The following SERINC5 variants were observed in gnomAD, a reference collection of about 807,000 sequenced individuals.
The protein encoded by SERINC5 is chromosome 5 open reading frame 12.
Under a neutral mutation model 63.1 loss-of-function variants are expected in SERINC5, and 41 were observed. The ratio of observed to expected loss-of-function variants is 0.65; its 90% CI spans 0.51 to 0.84. SERINC5 has a LOEUF of 0.84. Among genes scored for constraint, SERINC5 ranks in the 40% least tolerant of loss-of-function variants. The probability of loss-of-function intolerance (pLI) is 0.00; values close to 1 mark genes in which losing one functional copy is unlikely to be tolerated. For synonymous variants in SERINC5, 222 were observed against 215.2 expected (o/e 1.03, Z -0.28); for missense variants, 523 against 573.0 (o/e 0.91, Z 0.89).
intron 1 of SERINC5, among the ~76,000 whole-genome samples, chr5:80,238,214 C>G (rs1751792621): frequency 6.6e-6 from 1 of 151,730 alleles, no homozygotes. Context: ...TCATGCTTTT[C>G]AAAGCCTCCA....
intron 11 of SERINC5, among the ~76,000 whole-genome samples, chr5:80,124,884 T>C (rs1363055984): frequency 1.3e-5 from 2 of 152,132 alleles, no homozygotes; most frequent in Non-Finnish European, 2.9e-5. Flanking sequence ...CAGGTAGTCT[T>C]GTTTATGAAC....
chr5:80,127,773 T>C (rs1744800649), intron 11 of SERINC5, among the ~76,000 whole-genome samples: 1 of 152,138 alleles, frequency 6.6e-6, no homozygotes, highest in Admixed American at 6.5e-5. Context: ...GTAAATTTGA[T>C]AAGGTACTCC....
chr5:80,183,821 G>C (rs968331086), intron 2 of SERINC5, among the ~76,000 whole-genome samples: 1 of 151,992 alleles, frequency 6.6e-6, no homozygotes, highest in Non-Finnish European at 1.5e-5. Flanking sequence ...GACTCAGCCC[G>C]CCTGCACCCA....
chr5:80,185,839 C>T (rs1248046156), intron 2 of SERINC5, among the ~76,000 whole-genome samples: 13 of 151,956 alleles, frequency 8.6e-5, no homozygotes, highest in Admixed American at 8.5e-4. Context: ...TCAGTTAAGG[C>T]GGGGCAGGGC....
chr5:80,228,323 G>A (rs1377512384), intron 1 of SERINC5, among the ~76,000 whole-genome samples: 2 of 149,704 alleles, frequency 1.3e-5, no homozygotes, highest in Non-Finnish European at 3.0e-5. Flanking sequence ...GAGGAGGAAG[G>A]AAGGAAGGAA....
intron 1 of SERINC5, among the ~76,000 whole-genome samples, chr5:80,224,143 A>AAG (rs1276402348): frequency 5.4e-5 from 8 of 149,292 alleles, no homozygotes; most frequent in African/African-American, 1.3e-4. Context: ...CAAAAAAAAA[A>AAG]AAAAAAGAAA....
At chr5:80,152,006 A>G (rs1257627813) in intron 8 of SERINC5, among the ~76,000 whole-genome samples, 1 of 152,224 alleles carries the variant, frequency 6.6e-6, no homozygotes, top group Non-Finnish European at 1.5e-5. Flanking sequence ...TCTCATACAG[A>G]AGCCCACTGA....
intron 1 of SERINC5, among the ~76,000 whole-genome samples, chr5:80,208,580 C>T (rs181573334): frequency 6.6e-6 from 1 of 152,208 alleles, no homozygotes; most frequent in South Asian, 2.1e-4. Context: ...CAATTTCCCA[C>T]GCAAGCACTG....
chr5:80,169,459 C>A lies in SERINC5; in HGVS notation c.639G>T (p.Leu213Phe). 6.2e-7 allele frequency: 1 copy of A among 1,613,952 alleles called. No individual in the cohort carries two copies. Among genetic ancestry groups the A allele is most frequent in the Non-Finnish European group, 8.5e-7 (1 of 1,179,858 alleles). Residue 213 changes from leucine to phenylalanine, a missense_variant, in exon 6 of 12, where the codon TTG (leucine) becomes TTT (phenylalanine). Physicochemically the swap from Leu to Phe is conservative, Grantham distance 22. Coordinates refer to ENST00000507668, the MANE Select transcript of SERINC5 (RefSeq NM_001174072.3). ...LIMYSIATGG[L>F]VLMAVFYTQK... Reference sequence around the variant, plus strand: ...GTGTATAAAACACTGCCATCAAAACCAAGCCTCCAGTGGCAATGGAATACA... The same window carrying A: ...GTGTATAAAACACTGCCATCAAAACAAAGCCTCCAGTGGCAATGGAATACA...
intron 2 of SERINC5, among the ~76,000 whole-genome samples, chr5:80,189,421 A>G (rs542903340): frequency 1.3e-5 from 2 of 152,326 alleles, no homozygotes; most frequent in Non-Finnish European, 1.5e-5. Context: ...CAAAGACACA[A>G]ATCTATTTCT....
At position 80,141,218 on chromosome 5, in the gene SERINC5, C is replaced by T; in HGVS notation, c.*2445G>A. 1 of 985,468 alleles carries T rather than the reference C, an allele frequency of 1.0e-6. No homozygotes were observed. Among genetic ancestry groups the T allele is most frequent in the Non-Finnish European group, 1.2e-6 (1 of 829,938 alleles). The allele number at this position is 985,468 out of a possible 1,614,324, so 61.0% of individuals were successfully genotyped here. A position where few individuals can be genotyped will look rare whatever the true frequency, so the allele number is the denominator to read the frequency against. ...CAGCTGAGAATAAAATTCAGAGCAA[C>T]TGTAACTCTTCCTCTTGCATCAGAC... On this transcript the variant is annotated 3_prime_UTR_variant, in exon 12 of 12. Coordinates refer to ENST00000507668, the MANE Select transcript of SERINC5 (RefSeq NM_001174072.3).
At chr5:80,155,992 C>T (rs527569311) in intron 8 of SERINC5, among the ~76,000 whole-genome samples, 5 of 151,902 alleles carry the variant, frequency 3.3e-5, no homozygotes, top group Non-Finnish European at 7.4e-5. Context: ...CTGCAAGAGT[C>T]AGGATGGAGA....
chr5:80,132,085 A>G (rs867792389), intron 11 of SERINC5, among the ~76,000 whole-genome samples: 67 of 152,288 alleles, frequency 4.4e-4, no homozygotes, highest in African/African-American at 1.4e-3. Flanking sequence ...GAAGCCGCGG[A>G]CACCAGATAA....
chr5:80,175,226 G>C (rs1349177344), intron 4 of SERINC5, among the ~76,000 whole-genome samples, 179 bp from the exon 5 acceptor site: 1 of 152,142 alleles, frequency 6.6e-6, no homozygotes, highest in South Asian at 2.1e-4. Flanking sequence ...GAAAAATTGA[G>C]AATCTATGTA....
chr5:80,202,796 G>A lies in SERINC5; in HGVS notation c.195+90C>T, dbSNP rs922529014. 1.8e-5 allele frequency: 24 copies of A among 1,309,330 alleles called. No individual in the cohort carries two copies. In the East Asian group the frequency reaches 5.9e-4, roughly 32 times the overall value. 81.1% of individuals were successfully genotyped at this position (1,309,330 alleles called of 1,614,324 possible). A position where few individuals can be genotyped will look rare whatever the true frequency, so the allele number is the denominator to read the frequency against. On this transcript the variant is annotated intron_variant, in intron 2 of 11. Transcript: ENST00000507668. ...CAGGTATACCCCAAAACACATGGGG[G>A]TACATGGACCCCATCTTCTAAATCA... is the stretch of plus-strand genomic sequence containing the variant.
chr5:80,238,823 C>G (rs1751826408), intron 1 of SERINC5, among the ~76,000 whole-genome samples: 1 of 148,634 alleles, frequency 6.7e-6, no homozygotes. Context: ...ATCCGAGATT[C>G]AAATAATCAA....
intron 1 of SERINC5, among the ~76,000 whole-genome samples, chr5:80,228,614 C>T (rs541249629): frequency 6.6e-6 from 1 of 152,202 alleles, no homozygotes; most frequent in African/African-American, 2.4e-5. Context: ...TGCCACCATG[C>T]CCTGCTAGTT....
At chr5:80,204,365 C>T (rs1248139889) in intron 1 of SERINC5, among the ~76,000 whole-genome samples, 1 of 152,154 alleles carries the variant, frequency 6.6e-6, no homozygotes, top group East Asian at 1.9e-4. Flanking sequence ...TAGTTAGTGT[C>T]AGAATTGAAT....
chr5:80,135,624 G>C (rs1745138964), downstream of SERINC5, among the ~76,000 whole-genome samples: 1 of 152,082 alleles, frequency 6.6e-6, no homozygotes, highest in South Asian at 2.1e-4. Context: ...GCTTCTGATA[G>C]GTCAAGTAAA....
Sources: gnomAD v4.1 joint callset for allele counts (sites outside exome capture counted in the v4.1 genomes callset) on GRCh38, gnomAD v4.1.1 for gene constraint, MANE v1.5 for transcripts, NCBI Gene and HGNC (gene_info 2026-07-23, HGNC 2026-07-21) for gene names.